The following ATM variants were observed in gnomAD, a reference collection of about 807,000 sequenced individuals.
ATM encodes serine-protein kinase ATM.
In ATM, 308 loss-of-function variants were observed where a neutral mutation model predicts 387.0. The observed-to-expected ratio is 0.80, with a 90% CI of 0.73 to 0.87. The LOEUF (loss-of-function observed/expected upper bound fraction) is 0.87, where lower values mean the gene tolerates loss of function less well. Among genes scored for constraint, ATM ranks in the 40% least tolerant of loss-of-function variants. The probability of loss-of-function intolerance (pLI) is 0.00; values close to 1 mark genes in which losing one functional copy is unlikely to be tolerated. For missense variants in ATM, 3,312 were observed against 3,560.9 expected (o/e 0.93, Z 1.78); for synonymous variants, 1,156 against 1,187.3 (o/e 0.97, Z 0.54).
At position 108,250,616 on chromosome 11, in the gene ATM, G is replaced by T. The variant is rs570970865; in HGVS notation, c.1236-85G>T. 2.0e-5 allele frequency: 27 copies of T among 1,380,202 alleles called. No individual in the cohort carries two copies. In the South Asian group the frequency reaches 3.1e-4, roughly 16 times the overall value. The allele number at this position is 1,380,202 out of a possible 1,614,324, so 85.5% of individuals were successfully genotyped here. On this transcript the variant is annotated intron_variant, in intron 9 of 62. Transcript: ENST00000675843. ...ATGGTGATTCTCTAATTAGGATATT[G>T]TAAGAGTACCATGTCTATATATTTC...
In ATM at chr11:108,245,886, G is replaced by A. The variant is rs573507273; in HGVS notation, c.901+860G>A. ...GTCGCCCAGGCTGAAGTGCAGTGAC[G>A]CAATGTTAGCTCACTGCAACCTCCG... On this transcript the variant is annotated intron_variant, in intron 7 of 62. Coordinates refer to ENST00000675843, the MANE Select transcript of ATM (RefSeq NM_000051.4). Among the ~76,000 whole-genome samples, 308 of 145,672 alleles carry A rather than the reference G, an allele frequency of 2.1e-3. 1 individual carries two copies. The highest frequency in any genetic ancestry group is 7.3e-3 in the African/African-American group (287 of 39,116).
chr11:108,331,872 C>A lies in ATM; in HGVS notation c.7630-7C>A, dbSNP rs730881276. 1.9e-6 allele frequency: 3 copies of A among 1,612,904 alleles called. No homozygotes were observed. Among genetic ancestry groups the A allele is most frequent in the African/African-American group, 2.7e-5 (2 of 74,974 alleles). On this transcript the variant is annotated splice_region_variant and splice_polypyrimidine_tract_variant and intron_variant, in intron 51 of 62. Coordinates refer to ENST00000675843, the MANE Select transcript of ATM (RefSeq NM_000051.4). ...TTTGCATAAATCTAATAGTTCTTTTCTTACAGCTAATCTCTAGAATTTCAA... is the reference window on the plus strand; with the variant it reads ...TTTGCATAAATCTAATAGTTCTTTTATTACAGCTAATCTCTAGAATTTCAA...
chr11:108,239,957 T>A (rs1039397310), intron 5 of ATM, among the ~76,000 whole-genome samples: 10 of 152,238 alleles, frequency 6.6e-5, no homozygotes, highest in Admixed American at 4.6e-4. Context: ...TTCCATTTTT[T>A]TAAATTGACT....
chr11:108,233,948 A>G (rs2079143320), intron 4 of ATM, among the ~76,000 whole-genome samples: 1 of 152,198 alleles, frequency 6.6e-6, no homozygotes, highest in Non-Finnish European at 1.5e-5. Flanking sequence ...ACATAGGAAG[A>G]TAGGATTTTA....
At chr11:108,223,995 T>A (rs2078616218) in intron 1 of ATM, 1 of 152,256 alleles carries the variant, frequency 6.6e-6, no homozygotes, top group Admixed American at 6.5e-5. Context: ...AAAACAAAGC[T>A]GTTTTTGAGG....
At chr11:108,234,840 T>TA (rs58530637) in intron 4 of ATM, among the ~76,000 whole-genome samples, 81,461 of 148,124 alleles carry the variant, frequency 0.55, 22,466 homozygotes, top group Middle Eastern at 0.75. Flanking sequence ...GACCCTGTCT[T>TA]AAAAAAAAAA....
chr11:108,329,413 GT>G (rs529551923), intron 49 of ATM, 175 bp downstream of exon 49: 2,716 of 549,942 alleles, frequency 4.9e-3, no homozygotes, highest in East Asian at 8.9e-3. Context: ...TTTGTTTTTT[GT>G]TTTTTTTTTT....
In ATM at chr11:108,289,780, T is replaced by C. The variant is rs772555314; in HGVS notation, c.4415T>C (p.Leu1472Ser). The C allele has an allele frequency of 6.2e-7, 1 of 1,613,156 alleles. No homozygotes were observed. The highest frequency in any genetic ancestry group is 8.5e-7 in the Non-Finnish European group (1 of 1,179,850). ...GTTCTTCGAGACGTTATTTATACTTTGATTCACTATATCAACCAAAGGTAA... is the reference window on the plus strand; with the variant it reads ...GTTCTTCGAGACGTTATTTATACTTCGATTCACTATATCAACCAAAGGTAA... ...AFVLRDVIYT[L>S]IHYINQRPSC... Residue 1472 changes from leucine to serine, a missense_variant, in exon 29 of 63, where the codon TTG (leucine) becomes TCG (serine). By Grantham distance (145) the Leu-to-Ser change is moderately radical. Transcript: ENST00000675843.
At chr11:108,276,471 C>T (rs1364530974) in intron 22 of ATM, among the ~76,000 whole-genome samples, 2 of 152,170 alleles carry the variant, frequency 1.3e-5, no homozygotes, top group African/African-American at 2.4e-5. Context: ...AGCCCTTTTG[C>T]GCTGGTTTTT....
chr11:108,258,351 A>G (rs1394217377), intron 15 of ATM, among the ~76,000 whole-genome samples: 1 of 152,218 alleles, frequency 6.6e-6, no homozygotes, highest in Non-Finnish European at 1.5e-5. Context: ...TTTATATACA[A>G]CCATATAGAT....
Position 108,279,698 on chromosome 11 carries a change from T to A in ATM, c.3402+90T>A. 8 of 1,017,712 alleles carry A rather than the reference T, an allele frequency of 7.9e-6. No homozygotes were observed. In the South Asian group the frequency reaches 8.9e-5, roughly 11 times the overall value. 63.0% of individuals were successfully genotyped at this position (1,017,712 alleles called of 1,614,324 possible). ...TCACCAAGTTTGGTATAAGAGAGTT[T>A]ATAATCCAGTAGTTTACAGTATAAA... On this transcript the variant is annotated intron_variant, in intron 23 of 62. Transcript: ENST00000675843.
chr11:108,299,391 G>A, intron 33 of ATM: 1 of 280,282 alleles, frequency 3.6e-6, no homozygotes, highest in South Asian at 3.8e-5. Context: ...TCCGCCTCCT[G>A]GGTTCAAGTG....
chr11:108,240,031 C>T (rs1415120371), intron 5 of ATM, among the ~76,000 whole-genome samples: 1 of 152,196 alleles, frequency 6.6e-6, no homozygotes, highest in Non-Finnish European at 1.5e-5. Flanking sequence ...TGGACACACA[C>T]AGCATGCCCT....
At chr11:108,283,843 A>G (rs761362722) in intron 25 of ATM, among the ~76,000 whole-genome samples, 1 of 152,216 alleles carries the variant, frequency 6.6e-6, no homozygotes, top group Non-Finnish European at 1.5e-5. Context: ...ATATGCAAGT[A>G]TAAGTTCAAA....
At chr11:108,338,921 A>C (rs193118007) in intron 56 of ATM, among the ~76,000 whole-genome samples, 1 of 152,322 alleles carries the variant, frequency 6.6e-6, no homozygotes, top group East Asian at 1.9e-4. Flanking sequence ...TCATCTGTAG[A>C]GTCATTCCCA....
chr11:108,334,049 T>C, intron 54 of ATM, 81 bp downstream of exon 54: 1 of 1,132,174 alleles, frequency 8.8e-7, no homozygotes, highest in Non-Finnish European at 1.3e-6. Context: ...TATTTTTATG[T>C]AGGTCAAAAT....
At chr11:108,230,031 C>A in intron 4 of ATM, 1 of 152,354 alleles carries the variant, frequency 6.6e-6, no homozygotes, top group Non-Finnish European at 1.5e-5. Context: ...TGGATGCCCT[C>A]TCTACGTCCC....
In ATM at chr11:108,343,358, A is replaced by G. The variant is rs730881324; in HGVS notation, c.8405A>G (p.Gln2802Arg). The G allele has an allele frequency of 1.7e-5, 27 of 1,613,996 alleles. No homozygotes were observed. Among genetic ancestry groups the G allele is most frequent in the Admixed American group, 5.0e-5 (3 of 59,996 alleles). ...RPNDFSAFQC[Q>R]KKMMEVQKKS... is the part of the protein sequence containing the mutation. ...AATGATTTCAGTGCCTTTCAGTGCC[A>G]AAAGAAAATGATGGTGAGTGACACC... Residue 2802 changes from glutamine (Q) to arginine (R), a missense_variant, in exon 57 of 63, where the codon CAA (glutamine) becomes CGA (arginine). This residue lies in a region of ATM where 1,405 missense variants were observed against 1,604.4 expected (regional missense o/e 0.88). Coordinates refer to ENST00000675843, the MANE Select transcript of ATM (RefSeq NM_000051.4).
chr11:108,329,752 G>C (rs1474107068), intron 49 of ATM, among the ~76,000 whole-genome samples: 3 of 152,172 alleles, frequency 2.0e-5, no homozygotes, highest in Non-Finnish European at 4.4e-5. Flanking sequence ...TAGTATGTAA[G>C]ATATTGACGT....
Sources: allele counts gnomAD v4.1 joint callset (sites outside exome capture counted in the v4.1 genomes callset), GRCh38; gene constraint gnomAD v4.1.1; regional missense constraint gnomAD v4.1.1; transcripts MANE v1.5; gene names NCBI Gene and HGNC (gene_info 2026-07-23, HGNC 2026-07-21).